Variants in ANO10 observed in about 807,000 individuals in gnomAD.
The protein encoded by ANO10 is anoctamin 10.
A neutral mutation model predicts 74.7 loss-of-function variants in ANO10; 77 were observed. The ratio of observed to expected loss-of-function variants is 1.03; its 90% CI spans 0.86 to 1.25. ANO10 has a LOEUF of 1.25. Among genes scored for constraint, ANO10 ranks in the 50% most tolerant of loss-of-function variants. The pLI is 0.00. For synonymous variants in ANO10, 279 were observed against 284.9 expected, an observed-to-expected ratio of 0.98 and a Z score of 0.21; for missense variants, 721 against 778.1, an observed-to-expected ratio of 0.93 and a Z score of 0.87.
At chr3:43,643,056 G>C (rs1212962067) in intron 1 of ANO10, among the ~76,000 whole-genome samples, 1 of 150,818 alleles carries the variant, frequency 6.6e-6, no homozygotes, top group South Asian at 2.1e-4. Context: ...TTTTGAGACG[G>C]AGTCTTGCTC....
At chr3:43,665,774 A>C (rs1421272955) in intron 1 of ANO10, among the ~76,000 whole-genome samples, 1 of 152,192 alleles carries the variant, frequency 6.6e-6, no homozygotes. Context: ...TTTAAATGTA[A>C]TTATATTATT....
intron 1 of ANO10, among the ~76,000 whole-genome samples, chr3:43,670,946 G>A (rs1412982308): frequency 9.2e-5 from 14 of 152,200 alleles, no homozygotes; most frequent in Non-Finnish European, 1.8e-4. Flanking sequence ...TCATGGGATA[G>A]TCACTGCCAT....
intron 11 of ANO10, among the ~76,000 whole-genome samples, chr3:43,547,285 T>A (rs2149299858): frequency 6.6e-6 from 1 of 152,306 alleles, no homozygotes; most frequent in Non-Finnish European, 1.5e-5. Flanking sequence ...CCTTTAAAAA[T>A]TGGCTAACAA....
intron 1 of ANO10, among the ~76,000 whole-genome samples, chr3:43,635,910 T>G (rs768721813): frequency 6.6e-6 from 1 of 152,070 alleles, no homozygotes; most frequent in African/African-American, 2.4e-5. Flanking sequence ...GTAGCCACCA[T>G]GCCCGGCCCA....
chr3:43,432,675 G>A lies in ANO10; in HGVS notation c.1850C>T (p.Pro617Leu), dbSNP rs774919767. The part of the protein sequence containing the change: ...FILAFAIPDK[P>L]RHIQMKLARL... Reference sequence around the variant, plus strand: ...GGCTAGTTTCATCTGGATATGCCGTGGCTTATCAGGTATGGCAAATGCAAG... The same window carrying A: ...GGCTAGTTTCATCTGGATATGCCGTAGCTTATCAGGTATGGCAAATGCAAG... Residue 617 changes from proline to leucine, a missense_variant, in exon 12 of 13, where the codon CCA becomes CTA. Transcript: ENST00000292246. 3 of 1,613,874 alleles carry A rather than the reference G, an allele frequency of 1.9e-6. No homozygotes were observed. In the South Asian group the frequency reaches 3.3e-5, roughly 18 times the overall value.
intron 11 of ANO10, among the ~76,000 whole-genome samples, chr3:43,527,257 T>C (rs180878362): frequency 6.6e-6 from 1 of 152,260 alleles, no homozygotes; most frequent in East Asian, 1.9e-4. Context: ...AGCATGCTCC[T>C]TACAGATGAC....
chr3:43,510,855 A>G (rs534052359), intron 11 of ANO10, among the ~76,000 whole-genome samples: 3 of 152,290 alleles, frequency 2.0e-5, no homozygotes, highest in Admixed American at 6.5e-5. Context: ...TGAGTCAGCC[A>G]GGGTTTACAT....
chr3:43,489,799 G>T (rs2076648827), intron 11 of ANO10, among the ~76,000 whole-genome samples: 1 of 151,672 alleles, frequency 6.6e-6, no homozygotes, highest in African/African-American at 2.4e-5. Flanking sequence ...CTCTTTGCCT[G>T]GTGAAAAAAA....
intron 4 of ANO10, among the ~76,000 whole-genome samples, chr3:43,582,383 C>G (rs1197823656): frequency 2.6e-5 from 4 of 151,812 alleles, no homozygotes; most frequent in African/African-American, 7.3e-5. Flanking sequence ...ACCCAGGAGG[C>G]AGAGCTTGCA....
At chr3:43,674,258 T>A (rs2084094401) in intron 1 of ANO10, among the ~76,000 whole-genome samples, 1 of 152,174 alleles carries the variant, frequency 6.6e-6, no homozygotes, top group Non-Finnish European at 1.5e-5. Context: ...TCCCTCCTTA[T>A]CCTCCAGAGT....
chr3:43,516,667 T>C (rs767901229), intron 11 of ANO10, among the ~76,000 whole-genome samples: 3 of 152,058 alleles, frequency 2.0e-5, no homozygotes, highest in Non-Finnish European at 4.4e-5. Context: ...AAATAAGACA[T>C]GACAGCAGTG....
chr3:43,506,980 C>T (rs1427460693), intron 11 of ANO10, among the ~76,000 whole-genome samples: 1 of 152,194 alleles, frequency 6.6e-6, no homozygotes, highest in Non-Finnish European at 1.5e-5. Flanking sequence ...TTGTTCACTG[C>T]TGTATCCTCA....
chr3:43,527,467 T>C (rs1254600956), intron 11 of ANO10, among the ~76,000 whole-genome samples: 1 of 152,180 alleles, frequency 6.6e-6, no homozygotes, highest in Non-Finnish European at 1.5e-5. Flanking sequence ...TTTCTAGATA[T>C]AATAACATTA....
rs370960769 is a variant in ANO10, at chr3:43,598,667, C to A, written c.338-1G>T. 1 of 1,597,314 alleles carries A rather than the reference C, an allele frequency of 6.3e-7. No individual in the cohort carries two copies. Among genetic ancestry groups the A allele is most frequent in the African/African-American group, 1.3e-5 (1 of 74,480 alleles). ...ATTGTCAGGAAATCATCATTGTTATCTAAAATAAAACAGAAATTACCAGAT... is the reference window on the plus strand; with the variant it reads ...ATTGTCAGGAAATCATCATTGTTATATAAAATAAAACAGAAATTACCAGAT... On this transcript the variant is annotated splice_acceptor_variant, in intron 3 of 12. Coordinates refer to ENST00000292246, the MANE Select transcript of ANO10 (RefSeq NM_018075.5). LOFTEE classifies it high-confidence loss of function.
chr3:43,592,333 T>C (rs1253048224), intron 4 of ANO10, among the ~76,000 whole-genome samples: 1 of 152,160 alleles, frequency 6.6e-6, no homozygotes, highest in African/African-American at 2.4e-5. Context: ...GTAGCCTAAC[T>C]GGGAGGCAAC....
At chr3:43,679,027 G>A (rs1200826107) in intron 1 of ANO10, among the ~76,000 whole-genome samples, 4 of 152,150 alleles carry the variant, frequency 2.6e-5, no homozygotes, top group African/African-American at 4.8e-5. Context: ...CGCAGAAGAC[G>A]GGTGATTTCT....
At chr3:43,685,444 T>G (rs2084262835) in intron 1 of ANO10, among the ~76,000 whole-genome samples, 1 of 152,250 alleles carries the variant, frequency 6.6e-6, no homozygotes, top group Non-Finnish European at 1.5e-5. Flanking sequence ...TATTTAATCA[T>G]AAGCATTCTT....
intron 5 of ANO10, among the ~76,000 whole-genome samples, chr3:43,579,304 T>G (rs555138254): frequency 2.2e-4 from 33 of 152,334 alleles, no homozygotes; most frequent in African/African-American, 6.0e-4. Context: ...TCAAAAGATG[T>G]TTGGCCTGCT....
At chr3:43,549,494 A>T (rs2079356625) in intron 11 of ANO10, among the ~76,000 whole-genome samples, 1 of 152,138 alleles carries the variant, frequency 6.6e-6, no homozygotes, top group African/African-American at 2.4e-5. Context: ...ATAGTGGAAA[A>T]GTCACTTCCT....
Sources: gnomAD v4.1 joint callset for allele counts (sites outside exome capture counted in the v4.1 genomes callset) on GRCh38, gnomAD v4.1.1 for gene constraint, MANE v1.5 for transcripts, NCBI Gene and HGNC (gene_info 2026-07-23, HGNC 2026-07-21) for gene names.